Variants in C16orf78 observed in about 807,000 individuals in gnomAD.
The protein encoded by C16orf78 is chromosome 16 open reading frame 78.
A neutral mutation model predicts 27.3 loss-of-function variants in C16orf78; 19 were observed. That is an observed-to-expected ratio of 0.70 (90% CI 0.49 to 1.02). C16orf78 has a LOEUF of 1.02. Ranked by LOEUF, C16orf78 falls within the 50% of genes least tolerant of loss-of-function variation. The probability of loss-of-function intolerance (pLI) is 0.00; values close to 1 mark genes in which losing one functional copy is unlikely to be tolerated. For synonymous variants in C16orf78, 130 were observed against 116.1 expected (o/e 1.12, Z -0.77); for missense variants, 339 against 337.0 (o/e 1.01, Z -0.05).
At chr16:49,375,869 CT>C (rs1440609672) in intron 1 of C16orf78, among the ~76,000 whole-genome samples, 2 of 152,200 alleles carry the variant, frequency 1.3e-5, no homozygotes, top group African/African-American at 4.8e-5. Flanking sequence ...ATTACATTCA[CT>C]TCCCTGGTTA....
At chr16:49,390,659 G>A (rs553114600) in intron 3 of C16orf78, among the ~76,000 whole-genome samples, 1 of 152,318 alleles carries the variant, frequency 6.6e-6, no homozygotes, top group South Asian at 2.1e-4. Context: ...CCATGTTCTT[G>A]TCTACTAATT....
At chr16:49,381,373 A>C (rs1335976709) in intron 3 of C16orf78, among the ~76,000 whole-genome samples, 1 of 152,044 alleles carries the variant, frequency 6.6e-6, no homozygotes, top group Non-Finnish European at 1.5e-5. Context: ...GGATTCCTAG[A>C]TATTTTATTC....
At chr16:49,392,891 T>C (rs1965429653) in intron 3 of C16orf78, among the ~76,000 whole-genome samples, 1 of 152,124 alleles carries the variant, frequency 6.6e-6, no homozygotes, top group Admixed American at 6.6e-5. Flanking sequence ...GAGAAACTGG[T>C]GGGAAGTAAT....
At position 49,378,601 on chromosome 16, in the gene C16orf78, AAAAACCTTGGCCCCGGCCACCAG is replaced by A; in HGVS notation, c.394+11_394+33del. ...ATGGCCCCAAGAAATCTGGTAAGGGAAAAACCTTGGCCCCGGCCACCAGAATCCTGCTCCATAATCTCCTCCTC... is the reference window on the plus strand; with the variant it reads ...ATGGCCCCAAGAAATCTGGTAAGGGAAATCCTGCTCCATAATCTCCTCCTC... On this transcript the variant is annotated intron_variant, in intron 3 of 4. Transcript: ENST00000299191. 6.2e-7 allele frequency: 1 copy of A among 1,613,764 alleles called. No individual in the cohort carries two copies. The highest frequency in any genetic ancestry group is 8.5e-7 in the Non-Finnish European group (1 of 1,179,878).
intron 3 of C16orf78, among the ~76,000 whole-genome samples, chr16:49,392,223 T>A (rs1234342166): frequency 2.0e-5 from 3 of 152,196 alleles, no homozygotes; most frequent in Admixed American, 2.0e-4. Flanking sequence ...GAATAGCACA[T>A]ATGCATTACT....
intron 3 of C16orf78, among the ~76,000 whole-genome samples, chr16:49,388,254 T>A (rs552290705): frequency 2.8e-4 from 42 of 152,192 alleles, no homozygotes; most frequent in South Asian, 1.0e-3. Flanking sequence ...CTGCTAGTTT[T>A]GGGGTTGGTT....
intron 2 of C16orf78, 50 bp from the exon 3 acceptor site, chr16:49,378,420 C>T (rs189028366): frequency 2.8e-4 from 426 of 1,537,674 alleles, no homozygotes; most frequent in Admixed American, 7.9e-4. Flanking sequence ...GCGGGGAGGG[C>T]GAGCCAGGTC....
intron 4 of C16orf78, among the ~76,000 whole-genome samples, chr16:49,398,662 A>C (rs1360845389): frequency 1.3e-5 from 2 of 152,174 alleles, no homozygotes; most frequent in Admixed American, 1.3e-4. Context: ...GCCACGTGGC[A>C]CCATCTTCTT....
chr16:49,394,865 C>CTTGT (rs778777733), intron 3 of C16orf78, among the ~76,000 whole-genome samples: 5 of 151,624 alleles, frequency 3.3e-5, no homozygotes, highest in Non-Finnish European at 7.4e-5. Context: ...TTTTTGTTTG[C>CTTGT]TTGTTTGTTT....
In C16orf78 at chr16:49,377,845, C is replaced by A; in HGVS notation, c.265C>A (p.Gln89Lys). Residue 89 changes from glutamine (Q) to lysine (K), a missense_variant, in exon 2 of 5, where the codon CAG becomes AAG. Physicochemically the swap from Gln to Lys is moderately conservative, Grantham distance 53. Transcript: ENST00000299191. ...GGNRRDTETSQQALGKRFRKD... is the reference protein window; with the variant it reads ...GGNRRDTETSKQALGKRFRKD... ...GAACCGCAGGGACACGGAGACTTCC[C>A]AGCAGGTAATGCAGCCCCTCTTCCC... The A allele has an allele frequency of 1.0e-5, 16 of 1,572,628 alleles. No individual in the cohort carries two copies. Among genetic ancestry groups the A allele is most frequent in the Non-Finnish European group, 1.4e-5 (16 of 1,157,852 alleles).
chr16:49,396,778 T>A, intron 4 of C16orf78, 100 bp downstream of exon 4: 1 of 1,436,808 alleles, frequency 7.0e-7, no homozygotes, highest in Non-Finnish European at 9.2e-7. Flanking sequence ...CCTGAAGATC[T>A]AGGAGTAGGG....
intron 1 of C16orf78, among the ~76,000 whole-genome samples, chr16:49,374,415 T>C (rs1227335899): frequency 1.3e-5 from 2 of 152,154 alleles, no homozygotes; most frequent in Non-Finnish European, 2.9e-5. Context: ...ATTGTAAAAC[T>C]AGCAAGAGAC....
chr16:49,398,656 C>T (rs919986281), intron 4 of C16orf78, among the ~76,000 whole-genome samples: 3 of 152,164 alleles, frequency 2.0e-5, no homozygotes, highest in Non-Finnish European at 2.9e-5. Context: ...GTCACAGCCA[C>T]GTGGCACCAT....
intron 3 of C16orf78, among the ~76,000 whole-genome samples, chr16:49,389,749 C>A (rs1025951704): frequency 6.6e-6 from 1 of 152,094 alleles, no homozygotes; most frequent in African/African-American, 2.4e-5. Context: ...GTTGTTGCCA[C>A]ACATTATATT....
chr16:49,395,983 C>T (rs1469084782), intron 3 of C16orf78, among the ~76,000 whole-genome samples: 1 of 152,170 alleles, frequency 6.6e-6, no homozygotes, highest in Non-Finnish European at 1.5e-5. Context: ...TGGCTCATGC[C>T]TGTAATCCCA....
chr16:49,397,309 G>A (rs1248939563), intron 4 of C16orf78, among the ~76,000 whole-genome samples: 1 of 152,142 alleles, frequency 6.6e-6, no homozygotes, highest in Non-Finnish European at 1.5e-5. Context: ...AACTGACAAA[G>A]TTCAGAAACT....
intron 3 of C16orf78, among the ~76,000 whole-genome samples, chr16:49,380,892 C>T (rs1453438386): frequency 2.0e-5 from 3 of 150,134 alleles, no homozygotes; most frequent in Non-Finnish European, 2.9e-5. Context: ...AATAGGGAAT[C>T]CTTTCCCCAT....
intron 3 of C16orf78, among the ~76,000 whole-genome samples, chr16:49,379,675 A>C (rs180828758): frequency 6.6e-6 from 1 of 152,306 alleles, no homozygotes; most frequent in African/African-American, 2.4e-5. Context: ...AATATACAAA[A>C]AAATGTTAAT....
intron 4 of C16orf78, among the ~76,000 whole-genome samples, chr16:49,397,739 C>T (rs1307329477): frequency 6.6e-6 from 1 of 152,132 alleles, no homozygotes. Flanking sequence ...CAAGAAACAT[C>T]CAAGAAAAGA....
Sources: gnomAD v4.1 joint callset for allele counts (sites outside exome capture counted in the v4.1 genomes callset) on GRCh38, gnomAD v4.1.1 for gene constraint, MANE v1.5 for transcripts, NCBI Gene and HGNC (gene_info 2026-07-23, HGNC 2026-07-21) for gene names.